EMCN: variants seen among roughly 807,000 people sequenced by gnomAD.
EMCN encodes the protein endomucin.
A neutral mutation model predicts 38.4 loss-of-function variants in EMCN; 37 were observed. The ratio of observed to expected loss-of-function variants is 0.96; its 90% confidence interval spans 0.74 to 1.27. EMCN has a LOEUF of 1.27. Among genes scored for constraint, EMCN ranks in the 50% most tolerant of loss-of-function variants. EMCN has a pLI of 0.00. For synonymous variants in EMCN, 95 were observed against 100.8 expected (o/e 0.94, Z 0.35); for missense variants, 318 against 302.8 (o/e 1.05, Z -0.37).
Position 100,395,896 on chromosome 4 carries a change from C to G in EMCN, c.*2517G>C, listed in dbSNP as rs1470189762. 6.6e-6 allele frequency: 1 copy of G among 152,084 alleles called. No homozygotes were observed. Among genetic ancestry groups the G allele is most frequent in the African/African-American group, 2.4e-5 (1 of 41,412 alleles). 9.4% of individuals were successfully genotyped at this position (152,084 alleles called of 1,614,324 possible). On this transcript the variant is annotated 3_prime_UTR_variant, in exon 12 of 12. Coordinates refer to ENST00000296420, the MANE Select transcript of EMCN (RefSeq NM_016242.4). The stretch of plus-strand genomic sequence containing the variant: ...TAATTAGCTTTTGTTTATGTTTTGA[C>G]TATTGATAGACTTAAATTATATTCA...
intron 1 of EMCN, among the ~76,000 whole-genome samples, chr4:100,492,845 C>T (rs533322467): frequency 1.4e-3 from 206 of 151,864 alleles, no homozygotes; most frequent in African/African-American, 4.7e-3. Flanking sequence ...GTAGAAAACG[C>T]GGTCTGGGGG....
chr4:100,411,813 T>A (rs1726568618), intron 10 of EMCN, among the ~76,000 whole-genome samples: 1 of 152,262 alleles, frequency 6.6e-6, no homozygotes, highest in South Asian at 2.1e-4. Flanking sequence ...AGGGAAAGAC[T>A]ATTTGTAGTT....
intron 1 of EMCN, among the ~76,000 whole-genome samples, chr4:100,493,382 G>A (rs1173194024): frequency 1.3e-5 from 2 of 152,116 alleles, no homozygotes; most frequent in East Asian, 3.8e-4. Flanking sequence ...ATAGAAAAAA[G>A]AAAACTTGCA....
intron 1 of EMCN, among the ~76,000 whole-genome samples, chr4:100,516,706 T>G (rs984406180): frequency 2.0e-5 from 3 of 152,138 alleles, no homozygotes; most frequent in African/African-American, 7.2e-5. Context: ...TAAATTTACA[T>G]AGATATTTAC....
At chr4:100,503,454 T>C (rs1186285955) in intron 1 of EMCN, among the ~76,000 whole-genome samples, 1 of 152,202 alleles carries the variant, frequency 6.6e-6, no homozygotes, top group African/African-American at 2.4e-5. Context: ...TTGTTTCTGC[T>C]CTCTTGATTA....
At chr4:100,464,651 A>G (rs1483429812) in intron 4 of EMCN, among the ~76,000 whole-genome samples, 1 of 152,106 alleles carries the variant, frequency 6.6e-6, no homozygotes, top group African/African-American at 2.4e-5. Context: ...TGATTTTACT[A>G]ATATGTTGTA....
At chr4:100,485,054 T>A (rs1560635669) in intron 1 of EMCN, among the ~76,000 whole-genome samples, 1 of 152,086 alleles carries the variant, frequency 6.6e-6, no homozygotes, top group Non-Finnish European at 1.5e-5. Flanking sequence ...TTAAAGAAAA[T>A]GATTTCTTCA....
chr4:100,452,448 C>A (rs991524763), intron 4 of EMCN, among the ~76,000 whole-genome samples: 64 of 152,080 alleles, frequency 4.2e-4, no homozygotes, highest in African/African-American at 1.5e-3. Context: ...GTGTTCCTAT[C>A]CAAGTACTTG....
intron 1 of EMCN, among the ~76,000 whole-genome samples, chr4:100,500,487 G>A (rs1001646974): frequency 6.6e-6 from 1 of 152,012 alleles, no homozygotes; most frequent in African/African-American, 2.4e-5. Context: ...ATCTCCTTGG[G>A]ACTGTAAACG....
intron 4 of EMCN, among the ~76,000 whole-genome samples, chr4:100,463,079 G>A (rs897553582): frequency 2.0e-5 from 3 of 152,074 alleles, no homozygotes; most frequent in Admixed American, 6.6e-5. Flanking sequence ...AGTCAAGTGT[G>A]TTTACTATAC....
At chr4:100,481,207 A>AT (rs1234374937) in intron 1 of EMCN, among the ~76,000 whole-genome samples, 1 of 152,144 alleles carries the variant, frequency 6.6e-6, no homozygotes, top group Non-Finnish European at 1.5e-5. Flanking sequence ...TGGGTATGTT[A>AT]TTATAGTAAA....
rs1029095367 is a variant in EMCN at position 100,421,388 on chromosome 4, T to C, written c.569-11A>G. ...CCGGCAAAATAATACCTAAAAAGAA[T>C]TGGAGACATTGTCAATTAGAGTGGC... On this transcript the variant is annotated splice_polypyrimidine_tract_variant and intron_variant, in intron 7 of 11. Transcript: ENST00000296420. 5.6e-6 allele frequency: 9 copies of C among 1,604,646 alleles called. No individual in the cohort carries two copies. Among genetic ancestry groups the C allele is most frequent in the Admixed American group, 1.7e-5 (1 of 59,720 alleles).
At chr4:100,477,715 T>G (rs1428496691) in intron 2 of EMCN, among the ~76,000 whole-genome samples, 1 of 152,152 alleles carries the variant, frequency 6.6e-6, no homozygotes, top group Non-Finnish European at 1.5e-5. Flanking sequence ...GTTTTTTTGG[T>G]AAATACTTTC....
chr4:100,424,697 G>A (rs1483083053), intron 5 of EMCN, among the ~76,000 whole-genome samples: 1 of 152,022 alleles, frequency 6.6e-6, no homozygotes, highest in Non-Finnish European at 1.5e-5. Context: ...TAAGCAGGCA[G>A]AAAAAGGAAT....
intron 5 of EMCN, among the ~76,000 whole-genome samples, chr4:100,423,735 T>C (rs1386386396): frequency 6.6e-6 from 1 of 152,164 alleles, no homozygotes; most frequent in African/African-American, 2.4e-5. Flanking sequence ...AAAAGCATTT[T>C]TCAAATTTCA....
intron 2 of EMCN, among the ~76,000 whole-genome samples, chr4:100,478,981 T>G (rs1296927963): frequency 6.6e-6 from 1 of 152,080 alleles, no homozygotes; most frequent in Non-Finnish European, 1.5e-5. Context: ...TAAAAATGGT[T>G]TGGTTTCATC....
At chr4:100,480,553 C>T (rs561741282) in intron 1 of EMCN, among the ~76,000 whole-genome samples, 14 of 149,100 alleles carry the variant, frequency 9.4e-5, no homozygotes, top group Non-Finnish European at 1.9e-4. Context: ...TACATATATA[C>T]ATATACATAT....
intron 5 of EMCN, among the ~76,000 whole-genome samples, chr4:100,442,560 A>G (rs1727554005): frequency 1.8e-5 from 1 of 55,088 alleles, no homozygotes; most frequent in African/African-American, 6.8e-5. Flanking sequence ...GGCTGTCTTC[A>G]CTATTTTTTA....
intron 11 of EMCN, among the ~76,000 whole-genome samples, chr4:100,405,162 A>G (rs1446579040): frequency 6.6e-6 from 1 of 152,084 alleles, no homozygotes; most frequent in Admixed American, 6.6e-5. Context: ...ATCTATGAAG[A>G]CAGATCGTTT....
Sources: gnomAD v4.1 joint callset for allele counts (sites outside exome capture counted in the v4.1 genomes callset) on GRCh38, gnomAD v4.1.1 for gene constraint, MANE v1.5 for transcripts, NCBI Gene and HGNC (gene_info 2026-07-23, HGNC 2026-07-21) for gene names.